Variants in CHODL observed in about 807,000 individuals in gnomAD.
The protein encoded by CHODL is transmembrane protein MT75.
Under a neutral mutation model 34.5 loss-of-function variants are expected in CHODL, and 29 were observed. The observed-to-expected ratio is 0.84, with a 90% CI of 0.63 to 1.15. CHODL has a LOEUF of 1.15. Ranked by LOEUF, CHODL falls within the 50% of genes most tolerant of loss-of-function variation. CHODL has a pLI of 0.00. For synonymous variants in CHODL, 125 were observed against 116.1 expected, an observed-to-expected ratio of 1.08 and a Z score of -0.49; for missense variants, 332 against 332.5, an observed-to-expected ratio of 1.00 and a Z score of 0.01.
chr21:18,031,541 T>TG (rs908000774), intron 2 of CHODL, among the ~76,000 whole-genome samples: 4 of 151,916 alleles, frequency 2.6e-5, no homozygotes, highest in Non-Finnish European at 4.4e-5. Flanking sequence ...TAGATTTTTT[T>TG]GGGGGGGAGA....
chr21:18,238,858 AT>A (rs1239913077), intron 2 of CHODL, among the ~76,000 whole-genome samples: 1 of 152,122 alleles, frequency 6.6e-6, no homozygotes, highest in African/African-American at 2.4e-5. Flanking sequence ...CATCAAAAAC[AT>A]TACTTCTGAT....
chr21:18,070,031 C>G (rs1402634061), intron 2 of CHODL, among the ~76,000 whole-genome samples: 14 of 58,322 alleles, frequency 2.4e-4, no homozygotes, highest in African/African-American at 6.3e-4. Context: ...TCCCTCCCCC[C>G]CCCCACCCAT....
chr21:18,128,296 C>CAAAAAAAAAAAAAAA (rs71189585), intron 2 of CHODL, among the ~76,000 whole-genome samples: 4 of 28,058 alleles, frequency 1.4e-4, no homozygotes, highest in Admixed American at 7.7e-4. Context: ...GCAAGAGTCT[C>CAAAAAAAAAAAAAAA]AAAAAAAAAA....
intron 2 of CHODL, among the ~76,000 whole-genome samples, chr21:18,178,974 G>A (rs1206497129): frequency 6.6e-6 from 1 of 152,130 alleles, no homozygotes; most frequent in East Asian, 1.9e-4. Flanking sequence ...ATAGAGTAAT[G>A]TCTTCTGGAA....
intron 2 of CHODL, among the ~76,000 whole-genome samples, chr21:18,173,907 CAT>C (rs1408352932): frequency 2.0e-5 from 3 of 151,014 alleles, no homozygotes; most frequent in African/African-American, 7.3e-5. Context: ...TTATAATGTA[CAT>C]GTTTGACCCA....
intron 2 of CHODL, among the ~76,000 whole-genome samples, chr21:18,195,475 C>T (rs1054672874): frequency 5.9e-5 from 9 of 152,152 alleles, no homozygotes; most frequent in Non-Finnish European, 1.3e-4. Flanking sequence ...CACCATCACC[C>T]GCAGTCCTCA....
intron 2 of CHODL, among the ~76,000 whole-genome samples, chr21:18,100,176 A>G (rs1286856729): frequency 6.6e-6 from 1 of 152,184 alleles, no homozygotes; most frequent in Admixed American, 6.6e-5. Flanking sequence ...AATAAAGTGA[A>G]GGTTGTTTTT....
At chr21:18,251,626 TTTTA>T (rs1259382431) in intron 1 of CHODL, among the ~76,000 whole-genome samples, 14 of 117,702 alleles carry the variant, frequency 1.2e-4, no homozygotes, top group African/African-American at 3.8e-4. Flanking sequence ...AAAATATTTA[TTTTA>T]TTTATTTATT....
intron 1 of CHODL, among the ~76,000 whole-genome samples, chr21:18,016,419 G>A (rs1402590064): frequency 6.6e-6 from 1 of 152,178 alleles, no homozygotes; most frequent in East Asian, 1.9e-4. Flanking sequence ...CCTCCACCTA[G>A]ATTTCAGAGG....
chr21:18,010,118 CAAAAAAAAAAAA>C (rs547675850), intron 1 of CHODL, among the ~76,000 whole-genome samples: 10 of 61,234 alleles, frequency 1.6e-4, no homozygotes, highest in South Asian at 1.3e-3. Context: ...TACTAAAATA[CAAAAAAAAAAAA>C]AAAAAAAAAA....
At chr21:18,030,413 A>T (rs166759) in intron 2 of CHODL, among the ~76,000 whole-genome samples, 99,055 of 152,052 alleles carry the variant, frequency 0.65, 32,885 homozygotes, top group African/African-American at 0.73. Flanking sequence ...TAGACCTGCT[A>T]GGAGTCTTGT....
intron 2 of CHODL, among the ~76,000 whole-genome samples, chr21:18,108,735 A>C (rs1306675694): frequency 1.2e-4 from 19 of 152,162 alleles, no homozygotes. Context: ...TAGAAAAAGA[A>C]TTATGAGAAT....
intron 2 of CHODL, among the ~76,000 whole-genome samples, chr21:18,185,578 G>A (rs1377321060): frequency 6.6e-6 from 1 of 152,134 alleles, no homozygotes; most frequent in Non-Finnish European, 1.5e-5. Flanking sequence ...TCCTGGTGGT[G>A]GCTTGTGTGA....
intron 2 of CHODL, among the ~76,000 whole-genome samples, chr21:18,148,070 A>T (rs988406869): frequency 6.6e-6 from 1 of 152,216 alleles, no homozygotes; most frequent in Non-Finnish European, 1.5e-5. Flanking sequence ...CTACATCAAG[A>T]GGATGTGACT....
chr21:18,069,481 CATATAT>C (rs2064770260), intron 2 of CHODL, among the ~76,000 whole-genome samples: 1 of 151,544 alleles, frequency 6.6e-6, no homozygotes. Flanking sequence ...TGAGAATATA[CATATAT>C]AAAGTCTGTA....
Position 18,167,598 on chromosome 21 carries a change from C to T in CHODL, c.-44-88911C>T, listed in dbSNP as rs187628800. On this transcript the variant is annotated intron_variant, in intron 2 of 6. Coordinates refer to the CHODL transcript ENST00000400127. ...TGCTGGGTTTACAGGCGTGAGCCAC[C>T]GTGCCCGGCCTTTATTAAGATTTTT... Among the ~76,000 whole-genome samples, 500 of 152,136 alleles carry T rather than the reference C, an allele frequency of 3.3e-3. 4 individuals carry two copies. The highest frequency in any genetic ancestry group is 4.2e-3 in the Non-Finnish European group (285 of 67,970).
chr21:18,002,734 G>A (rs1454224779), intron 1 of CHODL, among the ~76,000 whole-genome samples: 1 of 152,112 alleles, frequency 6.6e-6, no homozygotes, highest in Non-Finnish European at 1.5e-5. Flanking sequence ...CTGTTTACAG[G>A]GATCATGGAA....
At chr21:18,128,423 T>A (rs1018034488) in intron 2 of CHODL, among the ~76,000 whole-genome samples, 2 of 149,122 alleles carry the variant, frequency 1.3e-5, no homozygotes, top group African/African-American at 4.9e-5. Context: ...TATGATCAAA[T>A]TGTTGGAAGT....
rs533681861 is a variant in CHODL at position 17,935,288 on chromosome 21, AT to A, written c.-145+17892del. ...TACACAGATTATCATAATCATTGTC[AT>A]TTTATAAATAATAGGTAATGTAGGA... On this transcript the variant is annotated intron_variant, in intron 1 of 6. Coordinates refer to the CHODL transcript ENST00000400127. 2.3e-3 allele frequency among the ~76,000 whole-genome samples: 356 copies of A among 152,336 alleles called. 2 individuals are homozygous for A. The highest frequency in any genetic ancestry group is 0.014 in the Middle Eastern group (4 of 294).
Sources: allele counts gnomAD v4.1 joint callset (sites outside exome capture counted in the v4.1 genomes callset), GRCh38; gene constraint gnomAD v4.1.1; transcripts MANE v1.5; gene names NCBI Gene and HGNC (gene_info 2026-07-23, HGNC 2026-07-21).